SYT2: variants seen among roughly 807,000 people sequenced by gnomAD.
SYT2 encodes synaptotagmin-2.
Under a neutral mutation model 39.9 loss-of-function variants are expected in SYT2, and 15 were observed. The observed-to-expected ratio is 0.38, with a 90% confidence interval of 0.25 to 0.58. The LOEUF is 0.58. Among genes scored for constraint, SYT2 ranks in the 20% least tolerant of loss-of-function variants. SYT2 has a pLI of 0.70. For missense variants in SYT2, 389 were observed against 530.3 expected, an observed-to-expected ratio of 0.73 and a Z score of 2.62; for synonymous variants, 181 against 204.5, an observed-to-expected ratio of 0.89 and a Z score of 0.98.
chr1:202,691,732 GGAGAGAGAGAGA>G (rs1164044356), intron 1 of SYT2, among the ~76,000 whole-genome samples: 1 of 8,316 alleles, frequency 1.2e-4, no homozygotes, highest in African/African-American at 4.4e-4. Context: ...GGAGAGGGGG[GGAGAGAGAGAGA>G]GAGAGAGAGA....
At chr1:202,608,127 A>G (rs944905692) in intron 1 of SYT2, among the ~76,000 whole-genome samples, 40 of 152,202 alleles carry the variant, frequency 2.6e-4, no homozygotes, top group African/African-American at 9.4e-4. Flanking sequence ...TCTATCCTAA[A>G]CATTTCCTAT....
intron 5 of SYT2, 36 bp from the exon 6 acceptor site, chr1:202,602,093 C>T (rs371718764): frequency 5.0e-6 from 8 of 1,610,224 alleles, no homozygotes; most frequent in Middle Eastern, 1.7e-4. Context: ...GGGGCCAGAG[C>T]GACTCACGCA....
chr1:202,649,101 T>A (rs1558448289), intron 1 of SYT2, among the ~76,000 whole-genome samples: 1 of 152,228 alleles, frequency 6.6e-6, no homozygotes, highest in Non-Finnish European at 1.5e-5. Context: ...TGCAGAAGAT[T>A]GAAAGCCTTG....
intron 1 of SYT2, among the ~76,000 whole-genome samples, chr1:202,613,280 C>T (rs959646715): frequency 7.2e-5 from 11 of 151,922 alleles, no homozygotes; most frequent in African/African-American, 2.7e-4. Context: ...GGGGTTCCAC[C>T]ATGTTGGCCA....
intron 4 of SYT2, 139 bp from the exon 5 acceptor site, chr1:202,602,684 G>T (rs1054617062): frequency 1.4e-5 from 12 of 854,432 alleles, no homozygotes; most frequent in Non-Finnish European, 2.1e-5. Flanking sequence ...TGGTGCTAGA[G>T]AGGAAGATTG....
chr1:202,671,265 T>C (rs1453343267), intron 1 of SYT2, among the ~76,000 whole-genome samples: 1 of 151,946 alleles, frequency 6.6e-6, no homozygotes, highest in Admixed American at 6.5e-5. Flanking sequence ...GGCCTTGGAG[T>C]TGGAGCCAGA....
chr1:202,675,619 T>C (rs1187067095), intron 1 of SYT2, among the ~76,000 whole-genome samples: 1 of 152,128 alleles, frequency 6.6e-6, no homozygotes, highest in Non-Finnish European at 1.5e-5. Context: ...CTAGAGGTCC[T>C]GGACACCGAG....
At chr1:202,705,057 C>T (rs1341346464) in intron 1 of SYT2, among the ~76,000 whole-genome samples, 3 of 152,228 alleles carry the variant, frequency 2.0e-5, no homozygotes, top group Admixed American at 6.5e-5. Flanking sequence ...CCCAAGGACC[C>T]GCACCTGTAT....
At chr1:202,634,386 G>A (rs754027635) in intron 1 of SYT2, among the ~76,000 whole-genome samples, 1 of 152,082 alleles carries the variant, frequency 6.6e-6, no homozygotes, top group Non-Finnish European at 1.5e-5. Context: ...GCGTGGTGGC[G>A]CATGCCTGTA....
chr1:202,692,638 C>A (rs1653865673), intron 1 of SYT2, among the ~76,000 whole-genome samples: 1 of 152,230 alleles, frequency 6.6e-6, no homozygotes, highest in Non-Finnish European at 1.5e-5. Flanking sequence ...TCATCCTCCT[C>A]ATTTTACAGA....
intron 1 of SYT2, among the ~76,000 whole-genome samples, chr1:202,625,925 C>T (rs1416249580): frequency 6.6e-6 from 1 of 152,148 alleles, no homozygotes; most frequent in Non-Finnish European, 1.5e-5. Flanking sequence ...GCAGAGAATG[C>T]CAGAAAGGCT....
rs752537599 is a variant in SYT2, at chr1:202,600,352, C to G, written c.919+5G>C. The G allele has an allele frequency of 2.5e-6, 4 of 1,613,310 alleles. No homozygotes were observed. In the South Asian group the frequency reaches 4.4e-5, roughly 18 times the overall value. ...CCCAATGGCAGCCAGAAGCTCTCCA[C>G]GTACCTGAAAGGCCGCCCACGTCCA... On this transcript the variant is annotated splice_donor_5th_base_variant and intron_variant, in intron 7 of 8. Coordinates refer to ENST00000367268, the MANE Select transcript of SYT2 (RefSeq NM_177402.5).
chr1:202,596,268 GACAC>G lies in SYT2; in HGVS notation c.*485_*488del, dbSNP rs58376514. 4.3e-3 allele frequency: 519 copies of G among 119,540 alleles called. 7 individuals carry two copies. The highest frequency in any genetic ancestry group is 0.013 in the African/African-American group (424 of 32,842). The allele number at this position is 119,540 out of a possible 1,614,324, so 7.4% of individuals were successfully genotyped here. Reference sequence around the variant, plus strand: ...CCAGGAATGAAGAGAAATGCTCAAAGACACACACACACACACACACACACACACA... The same window carrying G: ...CCAGGAATGAAGAGAAATGCTCAAAGACACACACACACACACACACACACA... On this transcript the variant is annotated 3_prime_UTR_variant, in exon 9 of 9. Coordinates refer to ENST00000367268, the MANE Select transcript of SYT2 (RefSeq NM_177402.5).
intron 1 of SYT2, among the ~76,000 whole-genome samples, chr1:202,635,987 C>T (rs1691730248): frequency 6.6e-6 from 1 of 152,098 alleles, no homozygotes; most frequent in Admixed American, 6.5e-5. Flanking sequence ...TGCCTGCCTC[C>T]CTGCACTGTG....
chr1:202,638,586 G>T (rs1691812444), intron 1 of SYT2, among the ~76,000 whole-genome samples: 1 of 152,218 alleles, frequency 6.6e-6, no homozygotes, highest in Admixed American at 6.5e-5. Context: ...TTAGGGATCA[G>T]GGCTTCCAGG....
intron 1 of SYT2, among the ~76,000 whole-genome samples, chr1:202,654,526 G>A (rs773410969): frequency 2.6e-5 from 4 of 152,204 alleles, no homozygotes; most frequent in Non-Finnish European, 4.4e-5. Flanking sequence ...CCTACTTCAT[G>A]TGTCAAATGC....
intron 1 of SYT2, among the ~76,000 whole-genome samples, chr1:202,677,954 C>T (rs1486960380): frequency 6.6e-6 from 1 of 152,128 alleles, no homozygotes; most frequent in Non-Finnish European, 1.5e-5. Flanking sequence ...ACTGACCAAA[C>T]ATTAACATTT....
intron 1 of SYT2, among the ~76,000 whole-genome samples, chr1:202,691,150 G>A (rs1036567008): frequency 4.6e-5 from 7 of 152,274 alleles, no homozygotes; most frequent in East Asian, 3.9e-4. Context: ...GGAGATAGGC[G>A]GTAACCTAAA....
chr1:202,705,181 T>A (rs1654217412), intron 1 of SYT2, among the ~76,000 whole-genome samples: 1 of 152,250 alleles, frequency 6.6e-6, no homozygotes, highest in African/African-American at 2.4e-5. Flanking sequence ...GTGCCTATGA[T>A]CTGGGGATTT....
Sources: allele counts gnomAD v4.1 joint callset (sites outside exome capture counted in the v4.1 genomes callset), GRCh38; gene constraint gnomAD v4.1.1; transcripts MANE v1.5; gene names NCBI Gene and HGNC (gene_info 2026-07-23, HGNC 2026-07-21).